Variants in GRID2 observed in about 807,000 individuals in gnomAD.
GRID2 encodes the protein glutamate ionotropic receptor delta type subunit 2.
A neutral mutation model predicts 114.8 loss-of-function variants in GRID2; 33 were observed. The ratio of observed to expected loss-of-function variants is 0.29; its 90% confidence interval spans 0.22 to 0.38. The LOEUF is 0.38. Ranked by LOEUF, GRID2 falls within the 10% of genes least tolerant of loss-of-function variation. GRID2 has a pLI of 1.00. For missense variants in GRID2, 1,184 were observed against 1,257.7 expected, an observed-to-expected ratio of 0.94 and a Z score of 0.89; for synonymous variants, 505 against 449.9, an observed-to-expected ratio of 1.12 and a Z score of -1.55.
At chr4:93,645,858 AT>A (rs1722063163) in intron 14 of GRID2, among the ~76,000 whole-genome samples, 1 of 152,226 alleles carries the variant, frequency 6.6e-6, no homozygotes, top group African/African-American at 2.4e-5. Flanking sequence ...CTTGCAAAGA[AT>A]TACAAAATCT....
In GRID2 at chr4:93,515,232, T is replaced by C; in HGVS notation, c.2014T>C (p.Ser672Pro). 6.3e-7 allele frequency: 1 copy of C among 1,594,340 alleles called. No homozygotes were observed. The highest frequency in any genetic ancestry group is 8.6e-7 in the Non-Finnish European group (1 of 1,166,682). ...ESSIQSLQDL[S>P]KQTEIPYGTV... Reference sequence around the variant, plus strand: ...ATAATCAAGGTCTCTCCAGGACCTTTCCAAGCAAACAGAAATCCCTTATGG... The same window carrying C: ...ATAATCAAGGTCTCTCCAGGACCTTCCCAAGCAAACAGAAATCCCTTATGG... The change falls in exon 13 of 16, where the codon TCC becomes CCC. Residue 672 changes from serine (S) to proline (P), a missense_variant. By Grantham distance (74) the Ser-to-Pro change is moderately conservative. Transcript: ENST00000282020.
intron 13 of GRID2, among the ~76,000 whole-genome samples, chr4:93,585,595 C>G (rs1181012693): frequency 2.6e-5 from 4 of 152,032 alleles, no homozygotes; most frequent in African/African-American, 4.8e-5. Context: ...AAAATTTGTG[C>G]AAAGCATTAA....
intron 2 of GRID2, among the ~76,000 whole-genome samples, chr4:92,591,002 G>T: frequency 6.6e-6 from 1 of 152,242 alleles, no homozygotes; most frequent in Admixed American, 6.5e-5. Context: ...GATCCAGAAA[G>T]CACTCACTTT....
chr4:92,998,974 A>T (rs918084338), intron 2 of GRID2, among the ~76,000 whole-genome samples: 1 of 151,916 alleles, frequency 6.6e-6, no homozygotes, highest in Non-Finnish European at 1.5e-5. Flanking sequence ...AAATTATGAT[A>T]TAGCTTGAGG....
chr4:92,506,959 C>T (rs1366541961), intron 1 of GRID2, among the ~76,000 whole-genome samples: 1 of 151,940 alleles, frequency 6.6e-6, no homozygotes, highest in African/African-American at 2.4e-5. Flanking sequence ...TGTGCTTCTA[C>T]TGCTAAATGG....
chr4:93,161,805 T>C lies in GRID2; in HGVS notation c.736-45599T>C, dbSNP rs969666575. Among the ~76,000 whole-genome samples, 49 of 151,956 alleles carry C rather than the reference T, an allele frequency of 3.2e-4. 1 individual carries two copies. Among genetic ancestry groups the C allele is most frequent in the African/African-American group, 1.0e-3 (42 of 41,524 alleles). On this transcript the variant is annotated intron_variant, in intron 4 of 15. Coordinates refer to ENST00000282020, the MANE Select transcript of GRID2 (RefSeq NM_001510.4). The stretch of plus-strand genomic sequence containing the variant: ...CCTGCAATTTTTGCAGTGTAAATTG[T>C]GCTTACTAAAGTTAAAAATATTTTA...
intron 2 of GRID2, among the ~76,000 whole-genome samples, chr4:92,981,253 G>A (rs1754191095): frequency 6.6e-6 from 1 of 151,884 alleles, no homozygotes; most frequent in African/African-American, 2.4e-5. Context: ...AGTCCCAATA[G>A]AATAATAATT....
chr4:92,951,916 T>C (rs2149135612), intron 2 of GRID2, among the ~76,000 whole-genome samples: 1 of 152,318 alleles, frequency 6.6e-6, no homozygotes, highest in African/African-American at 2.4e-5. Context: ...GGCTGTGTAT[T>C]ATTTCATTAC....
intron 2 of GRID2, among the ~76,000 whole-genome samples, chr4:92,646,145 G>T (rs947233945): frequency 6.6e-6 from 1 of 151,898 alleles, no homozygotes; most frequent in Non-Finnish European, 1.5e-5. Flanking sequence ...GGGTGGGTGG[G>T]CTATCTCATT....
intron 2 of GRID2, among the ~76,000 whole-genome samples, chr4:92,917,215 T>A (rs926538374): frequency 3.3e-5 from 5 of 152,314 alleles, no homozygotes; most frequent in Admixed American, 2.6e-4. Context: ...TTGTTTGTTT[T>A]TTTCTTGTAA....
At chr4:92,782,450 T>C (rs1353675852) in intron 2 of GRID2, among the ~76,000 whole-genome samples, 2 of 152,126 alleles carry the variant, frequency 1.3e-5, no homozygotes, top group East Asian at 1.9e-4. Flanking sequence ...TTATATTATA[T>C]ACATATGTTT....
At chr4:92,506,559 T>G (rs978089235) in intron 1 of GRID2, among the ~76,000 whole-genome samples, 1 of 151,970 alleles carries the variant, frequency 6.6e-6, no homozygotes, top group Non-Finnish European at 1.5e-5. Context: ...TGAAGAGTAC[T>G]GAATCTTGTT....
At chr4:92,385,257 G>T (rs955232182) in intron 1 of GRID2, among the ~76,000 whole-genome samples, 2 of 151,460 alleles carry the variant, frequency 1.3e-5, no homozygotes, top group Non-Finnish European at 3.0e-5. Flanking sequence ...TCCAAATTTT[G>T]CTCATTTCTA....
chr4:93,331,466 CT>C (rs1758444040), intron 8 of GRID2, among the ~76,000 whole-genome samples: 1 of 151,846 alleles, frequency 6.6e-6, no homozygotes, highest in African/African-American at 2.4e-5. Flanking sequence ...CTGATTCTTT[CT>C]TTTTGTAACA....
At chr4:93,235,403 T>C (rs969915981) in intron 7 of GRID2, among the ~76,000 whole-genome samples, 17 of 152,124 alleles carry the variant, frequency 1.1e-4, no homozygotes, top group African/African-American at 4.1e-4. Flanking sequence ...AATACCACCA[T>C]GCATGCACAA....
chr4:92,718,761 CAAAAAAAAAAA>C (rs3077559), intron 2 of GRID2, among the ~76,000 whole-genome samples: 5 of 41,782 alleles, frequency 1.2e-4, no homozygotes, highest in Non-Finnish European at 1.8e-4. Context: ...AGACCCTGTC[CAAAAAAAAAAA>C]AAAAAAAAAA....
At chr4:93,155,071 A>T (rs1032345305) in intron 4 of GRID2, among the ~76,000 whole-genome samples, 1 of 151,912 alleles carries the variant, frequency 6.6e-6, no homozygotes, top group Non-Finnish European at 1.5e-5. Context: ...AGTGGTTAGG[A>T]TTCGGCTCTC....
intron 2 of GRID2, among the ~76,000 whole-genome samples, chr4:92,858,002 GC>G (rs1744288314): frequency 6.6e-6 from 1 of 152,112 alleles, no homozygotes; most frequent in Admixed American, 6.6e-5. Context: ...CTGGATGACA[GC>G]ACAACTGTTT....
intron 1 of GRID2, among the ~76,000 whole-genome samples, chr4:92,322,646 A>T (rs892555405): frequency 1.3e-5 from 2 of 152,160 alleles, no homozygotes; most frequent in African/African-American, 4.8e-5. Flanking sequence ...GCACCCTAGT[A>T]TTAGAATACT....
Sources: gnomAD v4.1 joint callset for allele counts (sites outside exome capture counted in the v4.1 genomes callset) on GRCh38, gnomAD v4.1.1 for gene constraint, MANE v1.5 for transcripts, NCBI Gene and HGNC (gene_info 2026-07-23, HGNC 2026-07-21) for gene names.